Variants in BRF1 observed in about 807,000 individuals in gnomAD.
BRF1 encodes the protein BRF1 general transcription factor IIIB subunit.
A neutral mutation model predicts 81.7 loss-of-function variants in BRF1; 59 were observed. That is an observed-to-expected ratio of 0.72 (90% CI 0.59 to 0.90). The LOEUF is 0.90. Among genes scored for constraint, BRF1 ranks in the 40% least tolerant of loss-of-function variants. The pLI, the probability that BRF1 is intolerant of heterozygous loss-of-function variation, is 0.00. For synonymous variants in BRF1, 491 were observed against 395.6 expected (o/e 1.24, Z -2.86); for missense variants, 1,050 against 936.3 (o/e 1.12, Z -1.58).
chr14:105,261,699 G>C (rs918570392), intron 3 of BRF1, among the ~76,000 whole-genome samples: 1 of 152,258 alleles, frequency 6.6e-6, no homozygotes, highest in Non-Finnish European at 1.5e-5. Context: ...AAGTGCTCTT[G>C]TATATAGAGC....
In BRF1 at chr14:105,209,773, G is replaced by A. The variant is rs1889869162; in HGVS notation, c.*778C>T. 1.8e-6 allele frequency: 1 copy of A among 550,188 alleles called. No individual in the cohort carries two copies. The highest frequency in any genetic ancestry group is 2.0e-5 in the African/African-American group (1 of 51,154). 34.1% of individuals were successfully genotyped at this position (550,188 alleles called of 1,614,324 possible). A position where few individuals can be genotyped will look rare whatever the true frequency, so the allele number is the denominator to read the frequency against. Reference sequence around the variant, plus strand: ...GCACTGCCTACAGAGCTATGCTCAGGACGGGTGGGCGCCGGTCTCAGCTGT... The same window carrying A: ...GCACTGCCTACAGAGCTATGCTCAGAACGGGTGGGCGCCGGTCTCAGCTGT... On this transcript the variant is annotated 3_prime_UTR_variant, in exon 18 of 18. Transcript: ENST00000547530.
At chr14:105,243,070 C>G (rs1031277439) in intron 5 of BRF1, among the ~76,000 whole-genome samples, 1 of 152,088 alleles carries the variant, frequency 6.6e-6, no homozygotes, top group African/African-American at 2.4e-5. Context: ...GAGCCAAGAT[C>G]ATGCCACTGC....
chr14:105,304,356 TG>T (rs2058118603), upstream of BRF1, among the ~76,000 whole-genome samples: 1 of 151,824 alleles, frequency 6.6e-6, no homozygotes, highest in Non-Finnish European at 1.5e-5. Flanking sequence ...GGTGTGATGG[TG>T]GGCGCCTGTA....
rs745505379 is a variant in BRF1, at chr14:105,226,049, G to T, written c.1048+20C>A. 6.2e-7 allele frequency: 1 copy of T among 1,606,952 alleles called. No individual in the cohort carries two copies. Among genetic ancestry groups the T allele is most frequent in the South Asian group, 1.1e-5 (1 of 90,898 alleles). On this transcript the variant is annotated intron_variant, in intron 10 of 17. Coordinates refer to ENST00000547530, the MANE Select transcript of BRF1 (RefSeq NM_001519.4). Reference sequence around the variant, plus strand: ...GCACATTTTAAAGGTCTGAATAGGGGCCGGGCACAGTGGACTCACCATCTT... The same window carrying T: ...GCACATTTTAAAGGTCTGAATAGGGTCCGGGCACAGTGGACTCACCATCTT...
chr14:105,308,209 C>T (rs1006990973), intron 1 of BRF1, among the ~76,000 whole-genome samples: 1 of 151,684 alleles, frequency 6.6e-6, no homozygotes, highest in Admixed American at 6.6e-5. Flanking sequence ...AGGCCGGGCA[C>T]AGTGGCTCAC....
rs1380170167 is a variant in BRF1, at chr14:105,309,636, G to A, written c.-162+5686C>T. On this transcript the variant is annotated intron_variant, in intron 1 of 17. Coordinates refer to the BRF1 transcript ENST00000327359. The surrounding 1 kb of genome is among the most constrained non-coding windows in gnomAD (Gnocchi z 4.0). ...CAGAGCTGCTCTGGGTCCTGCCCCA[G>A]GTGCTGTGTGAGGGAGCTGCGCTGC... Among the ~76,000 whole-genome samples the A allele has an allele frequency of 6.6e-6, 1 of 152,226 alleles. No individual in the cohort carries two copies. The highest frequency in any genetic ancestry group is 1.5e-5 in the Non-Finnish European group (1 of 68,038).
intron 6 of BRF1, among the ~76,000 whole-genome samples, chr14:105,229,500 G>C (rs57899525): frequency 1.3e-5 from 2 of 152,216 alleles, no homozygotes; most frequent in South Asian, 2.1e-4. Context: ...TGCCGACCTG[G>C]GGCTCCAATT....
chr14:105,280,453 G>A (rs587688556), intron 2 of BRF1, among the ~76,000 whole-genome samples: 7 of 152,360 alleles, frequency 4.6e-5, no homozygotes, highest in Middle Eastern at 3.4e-3. Flanking sequence ...GTGGTTACCC[G>A]TCACTACGCA....
intron 15 of BRF1, among the ~76,000 whole-genome samples, chr14:105,216,196 C>G (rs930387489): frequency 2.6e-5 from 4 of 152,224 alleles, no homozygotes; most frequent in Non-Finnish European, 4.4e-5. Flanking sequence ...CACCCGGGCC[C>G]TGTCTGGGCC....
chr14:105,283,882 C>G (rs1158965633), intron 2 of BRF1, among the ~76,000 whole-genome samples: 2 of 152,222 alleles, frequency 1.3e-5, no homozygotes, highest in African/African-American at 4.8e-5. Context: ...GAGCTGGGCC[C>G]CAACCCAGGC....
intron 10 of BRF1, 54 bp downstream of exon 10, chr14:105,226,015 G>A: frequency 1.3e-6 from 2 of 1,486,322 alleles, no homozygotes; most frequent in South Asian, 1.2e-5. Context: ...GAGATCTGCT[G>A]AGACTCTAGC....
chr14:105,311,533 G>A (rs1419672721), intron 1 of BRF1, among the ~76,000 whole-genome samples: 2 of 152,186 alleles, frequency 1.3e-5, no homozygotes, highest in Non-Finnish European at 2.9e-5. Context: ...GGGATTACAG[G>A]TGTGAGCCCC....
rs1233442524 is a variant in BRF1, at chr14:105,269,934, C to T, written c.439+2787G>A. Among the ~76,000 whole-genome samples, 2 of 152,152 alleles carry T rather than the reference C, an allele frequency of 1.3e-5. No homozygotes were observed. Among genetic ancestry groups the T allele is most frequent in the African/African-American group, 2.4e-5 (1 of 41,438 alleles). On this transcript the variant is annotated intron_variant, in intron 3 of 17. Transcript: ENST00000547530. This position sits in a 1 kb window ranked among gnomAD's most constrained non-coding sequence, Gnocchi z 5.0. ...TGACCCTGGGCTCTGCTCAGCTTCTCGCTCAGGACCTTGGTCTGCTTCTAA... is the reference window on the plus strand; with the variant it reads ...TGACCCTGGGCTCTGCTCAGCTTCTTGCTCAGGACCTTGGTCTGCTTCTAA...
Position 105,219,530 on chromosome 14 carries a change from C to T in BRF1, c.1378-298G>A, listed in dbSNP as rs1891907249. On this transcript the variant is annotated intron_variant, in intron 12 of 17. Transcript: ENST00000547530. Reference sequence around the variant, plus strand: ...CAGCCAGAGTGCAGGCCACAGGTTCCCACAAAGGGGCCAAGTGAGGGTGAG... The same window carrying T: ...CAGCCAGAGTGCAGGCCACAGGTTCTCACAAAGGGGCCAAGTGAGGGTGAG... 5 of 541,326 alleles carry T rather than the reference C, an allele frequency of 9.2e-6. No individual in the cohort carries two copies. In the East Asian group the frequency reaches 1.5e-4, roughly 16 times the overall value. The allele number at this position is 541,326 out of a possible 1,614,324, so 33.5% of individuals were successfully genotyped here. A position where few individuals can be genotyped will look rare whatever the true frequency, so the allele number is the denominator to read the frequency against.
In BRF1 at chr14:105,219,152, C is replaced by A; in HGVS notation, c.1458G>T (p.Arg486Ser). The A allele has an allele frequency of 6.2e-7, 1 of 1,612,398 alleles. No individual in the cohort carries two copies. Among genetic ancestry groups the A allele is most frequent in the Non-Finnish European group, 8.5e-7 (1 of 1,178,672 alleles). The part of the protein sequence containing the change: ...RENAEYLREQ[R>S]EKEARIAKEK... Reference sequence around the variant, plus strand: ...TGAGTGTGGGCGGGTGGCGCTTACCCCTCTGTTCCCGCAGGTACTCGGCGT... The same window carrying A: ...TGAGTGTGGGCGGGTGGCGCTTACCACTCTGTTCCCGCAGGTACTCGGCGT... The change falls in exon 13 of 18, where the codon AGG becomes AGT. Residue 486 changes from arginine to serine, a missense_variant and splice_region_variant. Around this residue, in one of 2 missense-constraint regions of BRF1, gnomAD observed 1,043 missense variants for 915.4 expected, o/e 1.14. Coordinates refer to ENST00000547530, the MANE Select transcript of BRF1 (RefSeq NM_001519.4).
At chr14:105,243,277 C>T (rs1485654547) in intron 5 of BRF1, among the ~76,000 whole-genome samples, 2 of 125,062 alleles carry the variant, frequency 1.6e-5, no homozygotes, top group African/African-American at 2.9e-5. Flanking sequence ...CCAGTCTTTA[C>T]TAAAATACAA....
chr14:105,256,576 G>A (rs118005222), intron 3 of BRF1, 27 bp from the exon 4 acceptor site: 46,417 of 1,609,906 alleles, frequency 0.029, 804 homozygotes, highest in Non-Finnish European at 0.035. Context: ...GGATCCTGTC[G>A]AGTGGCTGCA....
chr14:105,295,922 T>C (rs1184272979), intron 1 of BRF1, among the ~76,000 whole-genome samples: 3 of 150,422 alleles, frequency 2.0e-5, no homozygotes, highest in African/African-American at 7.4e-5. Context: ...CTACTACAAA[T>C]ACAAAAACCA....
chr14:105,242,881 T>C (rs1377339731), intron 5 of BRF1, among the ~76,000 whole-genome samples: 2 of 151,968 alleles, frequency 1.3e-5, no homozygotes, highest in African/African-American at 2.4e-5. Flanking sequence ...TTTGGGAGAT[T>C]AGGGCGGGTG....
Sources: gnomAD v4.1 joint callset for allele counts (sites outside exome capture counted in the v4.1 genomes callset) on GRCh38, gnomAD v4.1.1 for gene constraint, gnomAD v4.1.1 regional missense constraint, Gnocchi (gnomAD v3.1) non-coding constraint, MANE v1.5 for transcripts, NCBI Gene and HGNC (gene_info 2026-07-23, HGNC 2026-07-21) for gene names.